PCDH9: variants seen among roughly 807,000 people sequenced by gnomAD.
PCDH9 encodes the protein protocadherin-9.
A neutral mutation model predicts 70.6 loss-of-function variants in PCDH9; 24 were observed. The ratio of observed to expected loss-of-function variants is 0.34; its 90% confidence interval spans 0.25 to 0.48. PCDH9 has a LOEUF of 0.48. PCDH9 is among the 20% of genes least tolerant of loss of function. PCDH9 has a pLI of 0.99. For synonymous variants in PCDH9, 562 were observed against 558.5 expected (o/e 1.01, Z -0.09); for missense variants, 1,281 against 1,503.6 (o/e 0.85, Z 2.45).
At chr13:66,496,998 A>C (rs1959127448) in intron 4 of PCDH9, among the ~76,000 whole-genome samples, 1 of 152,092 alleles carries the variant, frequency 6.6e-6, no homozygotes, top group Non-Finnish European at 1.5e-5. Context: ...CCCGACCCCT[A>C]AAATCCCCAT....
chr13:67,039,019 T>A (rs551704429), intron 2 of PCDH9, among the ~76,000 whole-genome samples: 1 of 152,158 alleles, frequency 6.6e-6, no homozygotes, highest in Non-Finnish European at 1.5e-5. Context: ...ATTGAATTAA[T>A]TATATATTAT....
At chr13:66,310,000 T>C (rs185273977) in intron 4 of PCDH9, among the ~76,000 whole-genome samples, 46 of 152,110 alleles carry the variant, frequency 3.0e-4, no homozygotes, top group Middle Eastern at 6.8e-3. Context: ...TCCTTTCTTT[T>C]AAAATAATTA....
intron 2 of PCDH9, among the ~76,000 whole-genome samples, chr13:66,918,080 C>G (rs939728491): frequency 2.0e-5 from 3 of 151,220 alleles, no homozygotes; most frequent in African/African-American, 4.8e-5. Flanking sequence ...TGAAGAGGGT[C>G]TCAGTTGGTG....
intron 2 of PCDH9, among the ~76,000 whole-genome samples, chr13:67,186,024 G>C (rs2088750476): frequency 6.6e-6 from 1 of 152,142 alleles, no homozygotes; most frequent in Non-Finnish European, 1.5e-5. Flanking sequence ...GAGCCACTGT[G>C]CCTGACCCTG....
chr13:66,745,593 C>T (rs7990984), intron 3 of PCDH9, among the ~76,000 whole-genome samples: 42,512 of 151,988 alleles, frequency 0.28, 6,471 homozygotes, highest in East Asian at 0.44. Context: ...CTTTCACCAA[C>T]ACACTGACAG....
At chr13:66,662,198 C>A (rs561030845) in intron 3 of PCDH9, among the ~76,000 whole-genome samples, 5 of 152,070 alleles carry the variant, frequency 3.3e-5, no homozygotes, top group South Asian at 2.1e-4. Flanking sequence ...TAAGGCCGGG[C>A]GTGGTGGCTC....
intron 4 of PCDH9, among the ~76,000 whole-genome samples, chr13:66,503,559 T>C (rs1002675852): frequency 6.6e-6 from 1 of 152,186 alleles, no homozygotes; most frequent in South Asian, 2.1e-4. Context: ...ATGAAAGATA[T>C]TGAGTTTTGA....
At chr13:66,598,917 C>T (rs989445066) in intron 4 of PCDH9, among the ~76,000 whole-genome samples, 1 of 151,786 alleles carries the variant, frequency 6.6e-6, no homozygotes, top group Non-Finnish European at 1.5e-5. Flanking sequence ...TAAAACTGCT[C>T]TAAAGAAAAC....
At chr13:66,943,098 T>TCAACA (rs2083031419) in intron 2 of PCDH9, among the ~76,000 whole-genome samples, 1 of 152,084 alleles carries the variant, frequency 6.6e-6, no homozygotes, top group Non-Finnish European at 1.5e-5. Context: ...GTAAACATAG[T>TCAACA]TATTACAACA....
chr13:66,740,555 G>T (rs1357189623), intron 3 of PCDH9, among the ~76,000 whole-genome samples: 1 of 146,694 alleles, frequency 6.8e-6, no homozygotes, highest in Admixed American at 6.8e-5. Flanking sequence ...TCCAGGAGCT[G>T]GTTTTTTGAA....
chr13:66,737,434 G>T (rs561427907), intron 3 of PCDH9, among the ~76,000 whole-genome samples: 1 of 152,312 alleles, frequency 6.6e-6, no homozygotes, highest in East Asian at 1.9e-4. Flanking sequence ...ACATGAGTTG[G>T]CAGTCTATTT....
chr13:66,743,582 A>T (rs2079307129), intron 3 of PCDH9, among the ~76,000 whole-genome samples: 1 of 152,170 alleles, frequency 6.6e-6, no homozygotes, highest in Non-Finnish European at 1.5e-5. Context: ...CTATGGTGTA[A>T]CATGGTGAAT....
intron 2 of PCDH9, among the ~76,000 whole-genome samples, chr13:66,965,943 C>A (rs902094961): frequency 1.3e-5 from 2 of 151,926 alleles, no homozygotes; most frequent in African/African-American, 4.8e-5. Context: ...GCCAGAAATT[C>A]AAGGTCAAAG....
At chr13:66,594,128 A>AT (rs2077072584) in intron 4 of PCDH9, among the ~76,000 whole-genome samples, 1 of 151,776 alleles carries the variant, frequency 6.6e-6, no homozygotes, top group Non-Finnish European at 1.5e-5. Context: ...GGGACAGAAT[A>AT]TTTTTTGAAG....
chr13:66,809,070 C>T (rs980730089), intron 3 of PCDH9, among the ~76,000 whole-genome samples: 6 of 152,172 alleles, frequency 3.9e-5, no homozygotes, highest in African/African-American at 1.4e-4. Flanking sequence ...GCCTCAGCCT[C>T]CTGAGTAGCT....
chr13:66,491,978 C>T (rs1410370751), intron 4 of PCDH9, among the ~76,000 whole-genome samples: 1 of 152,074 alleles, frequency 6.6e-6, no homozygotes, highest in Non-Finnish European at 1.5e-5. Context: ...GCCATATGTG[C>T]ATGGCATTCC....
At chr13:66,377,055 A>G (rs1956761055) in intron 4 of PCDH9, among the ~76,000 whole-genome samples, 1 of 152,200 alleles carries the variant, frequency 6.6e-6, no homozygotes, top group African/African-American at 2.4e-5. Flanking sequence ...TGTAATAGGT[A>G]CGGAGAGAAT....
intron 3 of PCDH9, among the ~76,000 whole-genome samples, chr13:66,737,480 G>T (rs2079170007): frequency 6.6e-6 from 1 of 152,192 alleles, no homozygotes; most frequent in Admixed American, 6.5e-5. Flanking sequence ...AAATTTGGAA[G>T]AGGGGGGAGG....
At chr13:66,369,007 T>C (rs921908390) in intron 4 of PCDH9, among the ~76,000 whole-genome samples, 3 of 152,144 alleles carry the variant, frequency 2.0e-5, no homozygotes, top group Admixed American at 1.3e-4. Flanking sequence ...TGTGTGGAGA[T>C]GCAGCCAAGC....
Sources: gnomAD v4.1 joint callset for allele counts (sites outside exome capture counted in the v4.1 genomes callset) on GRCh38, gnomAD v4.1.1 for gene constraint, MANE v1.5 for transcripts, NCBI Gene and HGNC (gene_info 2026-07-23, HGNC 2026-07-21) for gene names.